Variants in AK5 observed in about 807,000 individuals in gnomAD.
AK5 encodes adenylate kinase isoenzyme 5.
AK5 carries 27 observed loss-of-function variants against 69.5 expected under a neutral mutation model. The ratio of observed to expected loss-of-function variants is 0.39; its 90% CI spans 0.29 to 0.54. The LOEUF (loss-of-function observed/expected upper bound fraction) is 0.54, where lower values mean the gene tolerates loss of function less well. Ranked by LOEUF, AK5 falls within the 20% of genes least tolerant of loss-of-function variation. The probability of loss-of-function intolerance (pLI) is 0.71; values close to 1 mark genes in which losing one functional copy is unlikely to be tolerated. For missense variants in AK5, 531 were observed against 700.4 expected (o/e 0.76, Z 2.73); for synonymous variants, 260 against 244.4 (o/e 1.06, Z -0.60).
intron 5 of AK5, among the ~76,000 whole-genome samples, chr1:77,305,615 A>G (rs1010882102): frequency 6.6e-6 from 1 of 152,078 alleles, no homozygotes; most frequent in Non-Finnish European, 1.5e-5. Context: ...TTCCCAATGG[A>G]TGTTCTTGAT....
chr1:77,390,791 A>G (rs1648372212), intron 6 of AK5, among the ~76,000 whole-genome samples: 1 of 152,158 alleles, frequency 6.6e-6, no homozygotes, highest in Non-Finnish European at 1.5e-5. Flanking sequence ...TGATTTTTTT[A>G]TGTTTAAAGA....
intron 8 of AK5, among the ~76,000 whole-genome samples, chr1:77,423,939 C>T (rs1651020872): frequency 6.6e-6 from 1 of 152,190 alleles, no homozygotes; most frequent in Non-Finnish European, 1.5e-5. Flanking sequence ...AGAGAAAACC[C>T]AACTCTAGCC....
intron 6 of AK5, among the ~76,000 whole-genome samples, chr1:77,365,986 C>A (rs1646943595): frequency 6.6e-6 from 1 of 152,108 alleles, no homozygotes; most frequent in African/African-American, 2.4e-5. Context: ...ACCAGAATCT[C>A]AGAAATCACC....
rs543805282 is a variant in AK5 at position 77,518,353 on chromosome 1, C to T, written c.1148-211C>T. ...CTGTAACACCTGCCCCCTCCCGCTT[C>T]ATGGATAATCTAAGCTCTTTAAAGG... On this transcript the variant is annotated intron_variant, in intron 10 of 13. Coordinates refer to ENST00000354567, the MANE Select transcript of AK5 (RefSeq NM_174858.3). Among the ~76,000 whole-genome samples, 3 of 152,320 alleles carry T rather than the reference C, an allele frequency of 2.0e-5. No homozygotes were observed. The East Asian group carries it at 5.8e-4, about 29-fold the overall frequency.
At chr1:77,367,579 A>ATATATATATATATATATAT (rs71075732) in intron 6 of AK5, among the ~76,000 whole-genome samples, 3 of 53,360 alleles carry the variant, frequency 5.6e-5, no homozygotes, top group Admixed American at 3.0e-4. Context: ...ATATATATAT[A>ATATATATATATATATATAT]ATATATATGT....
chr1:77,391,950 T>C (rs1439138972), intron 6 of AK5, among the ~76,000 whole-genome samples: 2 of 152,182 alleles, frequency 1.3e-5, no homozygotes, highest in African/African-American at 4.8e-5. Flanking sequence ...TTTTAAAAGA[T>C]AGAATTAACA....
chr1:77,418,465 A>G (rs1650574864), intron 8 of AK5, among the ~76,000 whole-genome samples: 1 of 152,216 alleles, frequency 6.6e-6, no homozygotes, highest in Non-Finnish European at 1.5e-5. Context: ...AGTCTGTGGA[A>G]GGGAATGATG....
intron 8 of AK5, among the ~76,000 whole-genome samples, chr1:77,444,194 G>GGT (rs1391837838): frequency 2.4e-4 from 26 of 107,564 alleles, no homozygotes; most frequent in Non-Finnish European, 4.5e-4. Flanking sequence ...TCAGATAAGT[G>GGT]GTATATATAT....
chr1:77,365,030 T>C (rs899300689), intron 6 of AK5, among the ~76,000 whole-genome samples: 2 of 152,202 alleles, frequency 1.3e-5, no homozygotes, highest in Non-Finnish European at 2.9e-5. Flanking sequence ...TCACCAACAT[T>C]TGTTGTTTTT....
chr1:77,546,422 T>C (rs546943005), intron 13 of AK5, among the ~76,000 whole-genome samples: 1 of 152,208 alleles, frequency 6.6e-6, no homozygotes, highest in South Asian at 2.1e-4. Context: ...CACTTAATGT[T>C]GGGAATTCAT....
chr1:77,521,958 C>A lies in AK5; in HGVS notation c.1428+15C>A. ...TCGGACGCAGGGTGAGTGGTTGTTA[C>A]GGGCATCCTTCCAGAAGAAAAATAG... On this transcript the variant is annotated intron_variant, in intron 12 of 13. Transcript: ENST00000354567. The A allele has an allele frequency of 6.4e-7, 1 of 1,561,412 alleles. No homozygotes were observed. Among genetic ancestry groups the A allele is most frequent in the Non-Finnish European group, 8.7e-7 (1 of 1,152,258 alleles).
At chr1:77,529,412 C>G (rs897566758) in intron 12 of AK5, among the ~76,000 whole-genome samples, 1 of 150,930 alleles carries the variant, frequency 6.6e-6, no homozygotes, top group Admixed American at 6.6e-5. Context: ...CAGCTCACTG[C>G]AACCTCCGCC....
chr1:77,412,858 C>T (rs1198788983), intron 7 of AK5, among the ~76,000 whole-genome samples: 1 of 152,068 alleles, frequency 6.6e-6, no homozygotes, highest in Non-Finnish European at 1.5e-5. Context: ...AGTGTTCTTG[C>T]CCTCACACTC....
chr1:77,471,057 T>A (rs1654476675), intron 8 of AK5, among the ~76,000 whole-genome samples: 1 of 150,878 alleles, frequency 6.6e-6, no homozygotes, highest in Non-Finnish European at 1.5e-5. Context: ...ATTTTTTTTT[T>A]ATTTTTAGTA....
chr1:77,295,376 T>G (rs182714225), intron 3 of AK5, among the ~76,000 whole-genome samples: 22 of 152,292 alleles, frequency 1.4e-4, no homozygotes, highest in Admixed American at 5.2e-4. Flanking sequence ...TAAAGTGAAA[T>G]GAAAATGAAA....
At chr1:77,351,628 T>G (rs1408509058) in intron 6 of AK5, among the ~76,000 whole-genome samples, 1 of 152,160 alleles carries the variant, frequency 6.6e-6, no homozygotes, top group South Asian at 2.1e-4. Flanking sequence ...AGTAAAGGGC[T>G]GGGAAGCCAC....
chr1:77,294,008 T>C, intron 3 of AK5, 48 bp downstream of exon 3: 1 of 1,555,766 alleles, frequency 6.4e-7, no homozygotes, highest in Non-Finnish European at 8.7e-7. Flanking sequence ...TGCCTTTGTT[T>C]ATATATTTAC....
intron 13 of AK5, among the ~76,000 whole-genome samples, chr1:77,555,542 T>A (rs114362558): frequency 0.016 from 2,447 of 152,260 alleles, 25 homozygotes; most frequent in Non-Finnish European, 0.026. Context: ...CTTGAAAAAA[T>A]TTAATTCATC....
chr1:77,433,221 C>G (rs978452219), intron 8 of AK5, among the ~76,000 whole-genome samples: 1 of 152,004 alleles, frequency 6.6e-6, no homozygotes, highest in African/African-American at 2.4e-5. Context: ...GAAAACAATG[C>G]ACAGGGGCAC....
Sources: allele counts gnomAD v4.1 joint callset (sites outside exome capture counted in the v4.1 genomes callset), GRCh38; gene constraint gnomAD v4.1.1; transcripts MANE v1.5; gene names NCBI Gene and HGNC (gene_info 2026-07-23, HGNC 2026-07-21).